SH3GL2: variants seen among roughly 807,000 people sequenced by gnomAD.
The protein encoded by SH3GL2 is endophilin-A1.
Under a neutral mutation model 46.0 loss-of-function variants are expected in SH3GL2, and 24 were observed. That is an observed-to-expected ratio of 0.52 (90% confidence interval 0.38 to 0.73). SH3GL2 has a LOEUF of 0.73. Among genes scored for constraint, SH3GL2 ranks in the 30% least tolerant of loss-of-function variants. The pLI is 0.00. For missense variants in SH3GL2, 413 were observed against 424.2 expected, an observed-to-expected ratio of 0.97 and a Z score of 0.23; for synonymous variants, 196 against 147.1, an observed-to-expected ratio of 1.33 and a Z score of -2.40.
At chr9:17,580,516 T>C (rs1460293207) in intron 1 of SH3GL2, among the ~76,000 whole-genome samples, 1 of 152,248 alleles carries the variant, frequency 6.6e-6, no homozygotes, top group Admixed American at 6.5e-5. Context: ...CTTTATAGAA[T>C]CAATTATACC....
In SH3GL2 at chr9:17,690,046, A is replaced by C. The variant is rs62548125; in HGVS notation, c.46-57020A>C. On this transcript the variant is annotated intron_variant, in intron 1 of 8. Transcript: ENST00000380607. ...TAGTTTCCTCTGAATGCTTAACCGC[A>C]CATTCTGTGTGACTCTTGGAAAGAT... Among the ~76,000 whole-genome samples, 932 of 152,126 alleles carry C rather than the reference A, an allele frequency of 6.1e-3. 5 individuals are homozygous for C. The highest frequency in any genetic ancestry group is 9.4e-3 in the Non-Finnish European group (636 of 67,980).
rs968603440 is a variant in SH3GL2 at position 17,729,454 on chromosome 9, C to G, written c.46-17612C>G. Among the ~76,000 whole-genome samples the G allele has an allele frequency of 6.6e-5, 10 of 152,252 alleles. No homozygotes were observed. In the South Asian group the frequency reaches 1.4e-3, roughly 22 times the overall value. ...TAGTTTCTTTTGCTCTACAGAAGCT[C>G]TTCAGTTTAATTAGATCCCATTTGT... On this transcript the variant is annotated intron_variant, in intron 1 of 8. Coordinates refer to ENST00000380607, the MANE Select transcript of SH3GL2 (RefSeq NM_003026.5).
chr9:17,746,957 A>G, intron 1 of SH3GL2, 109 bp from the exon 2 acceptor site: 7 of 698,956 alleles, frequency 1.0e-5, no homozygotes, highest in Non-Finnish European at 1.7e-5. Flanking sequence ...AAGTCAGGGA[A>G]TGGTTGTGAG....
At chr9:17,685,644 C>T (rs1255105606) in intron 1 of SH3GL2, among the ~76,000 whole-genome samples, 1 of 152,004 alleles carries the variant, frequency 6.6e-6, no homozygotes, top group East Asian at 1.9e-4. Flanking sequence ...AGGAAGGGAT[C>T]CAGTTTCAGC....
chr9:17,738,540 A>G (rs1045301911), intron 1 of SH3GL2, among the ~76,000 whole-genome samples: 3 of 83,476 alleles, frequency 3.6e-5, no homozygotes, highest in East Asian at 2.8e-4. Context: ...ATACATATAT[A>G]CATAAGTGTG....
intron 1 of SH3GL2, among the ~76,000 whole-genome samples, chr9:17,634,232 C>G (rs1819494966): frequency 6.6e-6 from 1 of 152,092 alleles, no homozygotes; most frequent in Non-Finnish European, 1.5e-5. Context: ...CCATACTAAC[C>G]CAGAACTGCA....
chr9:17,751,725 A>G (rs1407563627), intron 2 of SH3GL2, among the ~76,000 whole-genome samples: 1 of 152,092 alleles, frequency 6.6e-6, no homozygotes, highest in African/African-American at 2.4e-5. Context: ...TCTCTCTCAA[A>G]TGGGGAGAGA....
intron 1 of SH3GL2, among the ~76,000 whole-genome samples, chr9:17,727,596 G>T (rs998973201): frequency 2.0e-5 from 3 of 151,744 alleles, no homozygotes; most frequent in African/African-American, 4.9e-5. Context: ...TGGAACTTCA[G>T]TTCTTCCTGG....
At chr9:17,739,636 C>G (rs1221545244) in intron 1 of SH3GL2, among the ~76,000 whole-genome samples, 2 of 152,016 alleles carry the variant, frequency 1.3e-5, no homozygotes, top group Non-Finnish European at 2.9e-5. Context: ...TTTTATTCAG[C>G]ACATTGTATA....
intron 1 of SH3GL2, among the ~76,000 whole-genome samples, chr9:17,728,466 T>G (rs200871877): frequency 8.6e-5 from 13 of 151,912 alleles, no homozygotes; most frequent in African/African-American, 2.4e-4. Context: ...TTAAAATTAT[T>G]TATGTATGTA....
intron 6 of SH3GL2, 80 bp from the exon 7 acceptor site, chr9:17,791,151 G>A: frequency 1.0e-6 from 1 of 976,180 alleles, no homozygotes. Flanking sequence ...GGGCAGCCCT[G>A]GTGTATGTAT....
chr9:17,612,254 C>A (rs1339560389), intron 1 of SH3GL2, among the ~76,000 whole-genome samples: 2 of 152,140 alleles, frequency 1.3e-5, no homozygotes, highest in African/African-American at 4.8e-5. Flanking sequence ...GGGAGTGTGC[C>A]TGAGTGTGGC....
At position 17,579,261 on chromosome 9, in the gene SH3GL2, A is replaced by C; in HGVS notation, c.19A>C (p.Lys7Gln). 1 of 1,567,496 alleles carries C rather than the reference A, an allele frequency of 6.4e-7. No individual in the cohort carries two copies. Residue 7 changes from lysine (K) to glutamine (Q), a missense_variant, in exon 1 of 9, where the codon AAG (lysine) becomes CAG (glutamine). Physicochemically the swap from Lys to Gln is moderately conservative, Grantham distance 53. This residue lies in a region of SH3GL2 where 160 missense variants were observed against 192.3 expected (regional missense o/e 0.83). Coordinates refer to ENST00000380607, the MANE Select transcript of SH3GL2 (RefSeq NM_003026.5). ...CTGCACCATGTCGGTGGCCGGCCTC[A>C]AGAAGCAGTTCCATAAAGCCACTCA... MSVAGL[K>Q]KQFHKATQKV...
intron 1 of SH3GL2, among the ~76,000 whole-genome samples, chr9:17,648,982 CTG>C (rs1229519169): frequency 2.0e-5 from 3 of 152,296 alleles, no homozygotes; most frequent in Admixed American, 1.3e-4. Flanking sequence ...CTGAATAGAA[CTG>C]TGTTTCCTGT....
intron 1 of SH3GL2, among the ~76,000 whole-genome samples, chr9:17,640,167 G>A (rs1480468149): frequency 6.7e-6 from 1 of 148,312 alleles, no homozygotes; most frequent in Non-Finnish European, 1.5e-5. Context: ...ATTATAACTT[G>A]TACCCCAGTA....
intron 1 of SH3GL2, among the ~76,000 whole-genome samples, chr9:17,711,722 G>C (rs919899356): frequency 2.0e-5 from 3 of 151,814 alleles, no homozygotes; most frequent in Non-Finnish European, 4.4e-5. Flanking sequence ...CCTGTTGATG[G>C]ATGTTGGGTT....
At chr9:17,712,469 T>C (rs1821652215) in intron 1 of SH3GL2, among the ~76,000 whole-genome samples, 1 of 151,864 alleles carries the variant, frequency 6.6e-6, no homozygotes. Flanking sequence ...GTGATCAGTT[T>C]GTGCTAATTT....
chr9:17,676,187 C>A (rs1820604233), intron 1 of SH3GL2, among the ~76,000 whole-genome samples: 1 of 152,194 alleles, frequency 6.6e-6, no homozygotes, highest in African/African-American at 2.4e-5. Flanking sequence ...TGCTGTTAAT[C>A]TTAATATCTA....
chr9:17,701,411 T>A (rs1415197759), intron 1 of SH3GL2, among the ~76,000 whole-genome samples: 1 of 152,074 alleles, frequency 6.6e-6, no homozygotes, highest in South Asian at 2.1e-4. Flanking sequence ...TAGCAGGTAG[T>A]GGGTGAGGGT....
Sources: gnomAD v4.1 joint callset for allele counts (sites outside exome capture counted in the v4.1 genomes callset) on GRCh38, gnomAD v4.1.1 for gene constraint, gnomAD v4.1.1 regional missense constraint, MANE v1.5 for transcripts, NCBI Gene and HGNC (gene_info 2026-07-23, HGNC 2026-07-21) for gene names.